CTNND2: variants seen among roughly 807,000 people sequenced by gnomAD.
CTNND2 encodes the protein catenin delta-2.
Under a neutral mutation model 144.4 loss-of-function variants are expected in CTNND2, and 22 were observed. That is an observed-to-expected ratio of 0.15 (90% CI 0.11 to 0.22). CTNND2 has a LOEUF of 0.22. Among genes scored for constraint, CTNND2 ranks in the 10% least tolerant of loss-of-function variants. The probability of loss-of-function intolerance (pLI) is 1.00; values close to 1 mark genes in which losing one functional copy is unlikely to be tolerated. For missense variants in CTNND2, 1,353 were observed against 1,618.8 expected (o/e 0.84, Z 2.82); for synonymous variants, 751 against 695.6 (o/e 1.08, Z -1.25).
At chr5:11,648,535 C>T (rs2126528723) in intron 2 of CTNND2, among the ~76,000 whole-genome samples, 1 of 152,244 alleles carries the variant, frequency 6.6e-6, no homozygotes, top group South Asian at 2.1e-4. Context: ...ATTATTTTTC[C>T]CCCAAATTAA....
At chr5:11,816,641 A>AAG (rs554667592) in intron 1 of CTNND2, among the ~76,000 whole-genome samples, 3 of 3,700 alleles carry the variant, frequency 8.1e-4, no homozygotes, top group Non-Finnish European at 1.7e-3. Context: ...AGAGGGGGGG[A>AAG]AGAGAGAGAG....
At chr5:10,990,079 G>A (rs1383314589) in intron 19 of CTNND2, among the ~76,000 whole-genome samples, 1 of 152,206 alleles carries the variant, frequency 6.6e-6, no homozygotes, top group African/African-American at 2.4e-5. Flanking sequence ...ATGCAGCTCA[G>A]ACAGCTGCAG....
intron 1 of CTNND2, among the ~76,000 whole-genome samples, chr5:11,747,156 C>T (rs1256203982): frequency 6.6e-6 from 1 of 152,050 alleles, no homozygotes; most frequent in African/African-American, 2.4e-5. Flanking sequence ...ATCCTAGTTC[C>T]CCCAGACAAC....
In CTNND2 at chr5:10,973,490, G is replaced by A; in HGVS notation, c.3641C>T (p.Thr1214Met). The A allele has an allele frequency of 1.9e-6, 3 of 1,599,544 alleles. No individual in the cohort carries two copies. Among genetic ancestry groups the A allele is most frequent in the African/African-American group, 1.3e-5 (1 of 74,888 alleles). Residue 1214 changes from threonine to methionine, a missense_variant, in exon 22 of 22, where the codon ACG (threonine) becomes ATG (methionine). This residue lies in a region of CTNND2 where 459 missense variants were observed against 674.3 expected (regional missense o/e 0.68). Transcript: ENST00000304623. This position sits in a 1 kb window ranked among gnomAD's most constrained non-coding sequence, Gnocchi z 5.6. ...ARPYSELNYE[T>M]SHYPASPDSW... ...GTCGGGGGAGGCCGGGTAGTGGCTC[G>A]TTTCATAGTTCAGTTCACTGTAGGG...
At chr5:11,349,335 G>A (rs570739941) in intron 8 of CTNND2, among the ~76,000 whole-genome samples, 64 of 152,244 alleles carry the variant, frequency 4.2e-4, no homozygotes, top group African/African-American at 1.5e-3. Context: ...GGGCTCTGTT[G>A]TAAGTGCTTT....
At chr5:11,778,405 T>C (rs1455543236) in intron 1 of CTNND2, among the ~76,000 whole-genome samples, 1 of 152,140 alleles carries the variant, frequency 6.6e-6, no homozygotes, top group Admixed American at 6.5e-5. Context: ...CTCCAGGTGA[T>C]TCAGATCAGC....
At chr5:11,256,929 G>A (rs549560259) in intron 9 of CTNND2, among the ~76,000 whole-genome samples, 58 of 152,254 alleles carry the variant, frequency 3.8e-4, no homozygotes, top group African/African-American at 1.3e-3. Context: ...CCAATTAAAT[G>A]CTAATAGCAC....
intron 3 of CTNND2, among the ~76,000 whole-genome samples, chr5:11,534,116 T>C (rs1185056161): frequency 1.3e-5 from 2 of 152,214 alleles, no homozygotes; most frequent in Non-Finnish European, 2.9e-5. Context: ...TCCTACCGTG[T>C]TTAGATCATT....
chr5:11,874,234 T>C (rs1735377564), intron 1 of CTNND2, among the ~76,000 whole-genome samples: 1 of 152,152 alleles, frequency 6.6e-6, no homozygotes, highest in Non-Finnish European at 1.5e-5. Context: ...ACCTCTGCAC[T>C]GCAAAAAACC....
chr5:11,753,195 G>A (rs565798004), intron 1 of CTNND2, among the ~76,000 whole-genome samples: 2 of 151,854 alleles, frequency 1.3e-5, no homozygotes, highest in East Asian at 1.9e-4. Context: ...GCTCTGGCTA[G>A]GACTTCCAGA....
intron 18 of CTNND2, among the ~76,000 whole-genome samples, chr5:11,011,130 T>C (rs529602903): frequency 2.0e-5 from 3 of 152,354 alleles, no homozygotes; most frequent in African/African-American, 7.2e-5. Context: ...TCTAACCCCA[T>C]TGCTTGTCAA....
intron 2 of CTNND2, among the ~76,000 whole-genome samples, chr5:11,621,460 G>T (rs1490642486): frequency 6.6e-6 from 1 of 151,910 alleles, no homozygotes; most frequent in African/African-American, 2.4e-5. Context: ...TATATTAGAG[G>T]TTTTTGTTAG....
At chr5:11,833,958 A>G (rs1794042596) in intron 1 of CTNND2, among the ~76,000 whole-genome samples, 2 of 152,224 alleles carry the variant, frequency 1.3e-5, no homozygotes, top group Non-Finnish European at 2.9e-5. Flanking sequence ...ATATATCCTG[A>G]AACAAAATTG....
At chr5:11,153,665 G>A (rs1176977567) in intron 12 of CTNND2, among the ~76,000 whole-genome samples, 1 of 152,172 alleles carries the variant, frequency 6.6e-6, no homozygotes, top group East Asian at 1.9e-4. Context: ...GTAAGCAAAG[G>A]CACAGTGCAG....
intron 1 of CTNND2, among the ~76,000 whole-genome samples, chr5:11,768,498 C>G (rs994056608): frequency 3.3e-5 from 5 of 152,258 alleles, no homozygotes; most frequent in Middle Eastern, 3.4e-3. Flanking sequence ...ATCCTGTTGG[C>G]CAGGCTGGCC....
intron 2 of CTNND2, among the ~76,000 whole-genome samples, chr5:11,708,513 G>T (rs1162526666): frequency 6.6e-6 from 1 of 152,036 alleles, no homozygotes; most frequent in Non-Finnish European, 1.5e-5. Flanking sequence ...TTATTTACAG[G>T]ATACTAATCT....
At chr5:11,317,758 G>T (rs1421049118) in intron 9 of CTNND2, among the ~76,000 whole-genome samples, 1 of 151,980 alleles carries the variant, frequency 6.6e-6, no homozygotes, top group Admixed American at 6.6e-5. Flanking sequence ...AGGTTCGTAG[G>T]TCCACAGACA....
chr5:11,904,111 G>A lies in CTNND2; in HGVS notation c.-258C>T, dbSNP rs1222685022. 3.1e-5 allele frequency: 5 copies of A among 159,792 alleles called. No individual in the cohort carries two copies. Among genetic ancestry groups the A allele is most frequent in the Non-Finnish European group, 3.9e-5 (3 of 76,228 alleles). The allele number at this position is 159,792 out of a possible 1,614,324, so 9.9% of individuals were successfully genotyped here. A position where few individuals can be genotyped will look rare whatever the true frequency, so the allele number is the denominator to read the frequency against. On this transcript the variant is annotated 5_prime_UTR_variant, in exon 1 of 22. Transcript: ENST00000304623. The surrounding 1 kb of genome is among the most constrained non-coding windows in gnomAD (Gnocchi z 4.2). Reference sequence around the variant, plus strand: ...AGCGCAGCGCCCCCTGCCCGGCTCCGCGGGCTCCACGGGCTCCTGCGGGCT... The same window carrying A: ...AGCGCAGCGCCCCCTGCCCGGCTCCACGGGCTCCACGGGCTCCTGCGGGCT...
intron 11 of CTNND2, among the ~76,000 whole-genome samples, chr5:11,197,524 C>G (rs1337842927): frequency 1.3e-5 from 2 of 152,146 alleles, no homozygotes; most frequent in Non-Finnish European, 2.9e-5. Context: ...ATACATCAAG[C>G]AAGCATCCTT....
Sources: allele counts gnomAD v4.1 joint callset (sites outside exome capture counted in the v4.1 genomes callset), GRCh38; gene constraint gnomAD v4.1.1; regional missense constraint gnomAD v4.1.1; non-coding constraint Gnocchi (gnomAD v3.1); transcripts MANE v1.5; gene names NCBI Gene and HGNC (gene_info 2026-07-23, HGNC 2026-07-21).